The following GRID2 variants were observed in gnomAD, a reference collection of about 807,000 sequenced individuals.
The protein encoded by GRID2 is glutamate ionotropic receptor delta type subunit 2, also known as glutamate receptor ionotropic, delta-2.
In GRID2, 33 loss-of-function variants were observed where a neutral mutation model predicts 114.8. That is an observed-to-expected ratio of 0.29 (90% CI 0.22 to 0.38). The LOEUF (loss-of-function observed/expected upper bound fraction) is 0.38, where lower values mean the gene tolerates loss of function less well. GRID2 is among the 10% of genes least tolerant of loss of function. The probability of loss-of-function intolerance (pLI) is 1.00; values close to 1 mark genes in which losing one functional copy is unlikely to be tolerated. For missense variants in GRID2, 1,184 were observed against 1,257.7 expected, an observed-to-expected ratio of 0.94 and a Z score of 0.89; for synonymous variants, 505 against 449.9, an observed-to-expected ratio of 1.12 and a Z score of -1.55.
chr4:93,525,791 A>G (rs1730828385), intron 13 of GRID2, among the ~76,000 whole-genome samples: 1 of 152,140 alleles, frequency 6.6e-6, no homozygotes, highest in Admixed American at 6.5e-5. Flanking sequence ...CCTGACTTAA[A>G]ACACAGCCTC....
At chr4:93,760,263 C>A (rs1026336029) in intron 14 of GRID2, among the ~76,000 whole-genome samples, 12 of 152,112 alleles carry the variant, frequency 7.9e-5, no homozygotes, top group African/African-American at 2.9e-4. Context: ...TTTTGCTATT[C>A]TTTTGGAAAA....
rs78632048 is a variant in GRID2, at chr4:92,956,358, A to G, written c.245-128637A>G. On this transcript the variant is annotated intron_variant, in intron 2 of 15. Transcript: ENST00000282020. ...TGGTATTATGCAGAATAGTTTCACC[A>G]CTCAAAATCCTCTGGATTCTCCTTA... Among the ~76,000 whole-genome samples, 626 of 152,176 alleles carry G rather than the reference A, an allele frequency of 4.1e-3. 20 individuals are homozygous for G. The East Asian group carries it at 0.063, about 15-fold the overall frequency.
intron 1 of GRID2, among the ~76,000 whole-genome samples, chr4:92,573,790 T>A (rs1322822054): frequency 2.0e-5 from 3 of 152,144 alleles, no homozygotes; most frequent in African/African-American, 7.2e-5. Context: ...TACATTCCAT[T>A]GCTTTGGGGT....
chr4:92,684,194 G>T (rs1733790211), intron 2 of GRID2, among the ~76,000 whole-genome samples: 1 of 151,754 alleles, frequency 6.6e-6, no homozygotes, highest in African/African-American at 2.4e-5. Context: ...AATATTTTGT[G>T]TGGGAATGAA....
intron 2 of GRID2, among the ~76,000 whole-genome samples, chr4:92,852,804 A>T (rs545936237): frequency 6.6e-6 from 1 of 151,976 alleles, no homozygotes; most frequent in Admixed American, 6.6e-5. Context: ...ACCTCAGCAC[A>T]TACTCTTTCT....
chr4:92,795,384 T>G (rs1739813841), intron 2 of GRID2, among the ~76,000 whole-genome samples: 1 of 151,872 alleles, frequency 6.6e-6, no homozygotes, highest in Admixed American at 6.6e-5. Flanking sequence ...GCCACCACCA[T>G]GTAAGAAGTG....
At chr4:92,403,511 T>C (rs13141149) in intron 1 of GRID2, among the ~76,000 whole-genome samples, 44,566 of 151,398 alleles carry the variant, frequency 0.29, 6,661 homozygotes, top group South Asian at 0.37. Flanking sequence ...GCCTGACCAA[T>C]ATGGTGGAAC....
chr4:93,544,838 C>A (rs1733055870), intron 13 of GRID2, among the ~76,000 whole-genome samples: 1 of 151,620 alleles, frequency 6.6e-6, no homozygotes, highest in Non-Finnish European at 1.5e-5. Context: ...AAGACTTAGG[C>A]TCAGAGATGT....
At chr4:92,656,826 T>A (rs1732263163) in intron 2 of GRID2, among the ~76,000 whole-genome samples, 1 of 151,768 alleles carries the variant, frequency 6.6e-6, no homozygotes, top group African/African-American at 2.4e-5. Context: ...ATTAGAGTAA[T>A]TTTATAAGAT....
In GRID2 at chr4:93,455,684, C is replaced by T; in HGVS notation, c.1568C>T (p.Ala523Val). The T allele has an allele frequency of 6.2e-7, 1 of 1,611,622 alleles. No homozygotes were observed. The highest frequency in any genetic ancestry group is 1.7e-5 in the Admixed American group (1 of 60,004). The change falls in exon 11 of 16, where the codon GCT becomes GTT. Residue 523 changes from alanine (A) to valine (V), a missense_variant. Ala to Val is a moderately conservative substitution (Grantham distance 64). Coordinates refer to ENST00000282020, the MANE Select transcript of GRID2 (RefSeq NM_001510.4). The part of the protein sequence containing the change: ...VFKRADIGIS[A>V]LTITPDRENV... ...CAGAGAGCCGACATAGGGATTTCTG[C>T]TTTAACCATCACTCCAGATCGTGAA...
intron 2 of GRID2, among the ~76,000 whole-genome samples, chr4:92,731,174 T>G (rs901164962): frequency 6.6e-5 from 10 of 152,018 alleles, no homozygotes; most frequent in African/African-American, 2.4e-4. Flanking sequence ...TTCATCATTA[T>G]AGAATTTAGA....
intron 2 of GRID2, among the ~76,000 whole-genome samples, chr4:93,014,462 C>T (rs1031097694): frequency 6.6e-6 from 1 of 151,848 alleles, no homozygotes. Flanking sequence ...CATAAAGAAC[C>T]AGGGTGGTAA....
chr4:92,502,705 C>CTTTTTTT (rs70940901), intron 1 of GRID2, among the ~76,000 whole-genome samples: 6 of 63,942 alleles, frequency 9.4e-5, no homozygotes, highest in African/African-American at 1.3e-4. Flanking sequence ...CATGTGATTT[C>CTTTTTTT]TTTTTTTTTT....
At chr4:93,679,636 G>T (rs1202717915) in intron 14 of GRID2, among the ~76,000 whole-genome samples, 1 of 150,710 alleles carries the variant, frequency 6.6e-6, no homozygotes, top group Admixed American at 6.6e-5. Flanking sequence ...ACTCAAAACC[G>T]CTCAACTACA....
At chr4:92,371,908 G>A (rs912928220) in intron 1 of GRID2, among the ~76,000 whole-genome samples, 6 of 152,146 alleles carry the variant, frequency 3.9e-5, no homozygotes, top group Non-Finnish European at 7.3e-5. Context: ...CATGGGAGAA[G>A]ATCAAAATAT....
intron 2 of GRID2, among the ~76,000 whole-genome samples, chr4:92,660,769 CTG>C (rs1188396817): frequency 6.6e-6 from 1 of 151,174 alleles, no homozygotes; most frequent in Non-Finnish European, 1.5e-5. Context: ...CCTATGAAAA[CTG>C]TGATTTCTTC....
chr4:93,480,327 C>A (rs1274696728), intron 11 of GRID2, among the ~76,000 whole-genome samples: 1 of 152,012 alleles, frequency 6.6e-6, no homozygotes, highest in Non-Finnish European at 1.5e-5. Context: ...CAGTATTGGG[C>A]TTCTGAATAT....
intron 8 of GRID2, among the ~76,000 whole-genome samples, chr4:93,289,319 C>T (rs1300394685): frequency 6.6e-6 from 1 of 151,458 alleles, no homozygotes; most frequent in African/African-American, 2.5e-5. Context: ...CTAAATATTT[C>T]TCCTGTCTTT....
chr4:93,182,014 T>C (rs923895426), intron 4 of GRID2, among the ~76,000 whole-genome samples: 1 of 152,162 alleles, frequency 6.6e-6, no homozygotes, highest in African/African-American at 2.4e-5. Flanking sequence ...TTCACAAGTG[T>C]TTAAGAAACT....
Sources: gnomAD v4.1 joint callset for allele counts (sites outside exome capture counted in the v4.1 genomes callset) on GRCh38, gnomAD v4.1.1 for gene constraint, MANE v1.5 for transcripts, NCBI Gene and HGNC (gene_info 2026-07-23, HGNC 2026-07-21) for gene names.